Variants in SLC35D4 observed in about 807,000 individuals in gnomAD.
SLC35D4 encodes UDP-N-acetylglucosamine transporter SLC35D4.
At chr18:23,432,718 G>A in the SLC35D4 span, among the ~76,000 whole-genome samples, 1 of 151,488 alleles carries the variant, frequency 6.6e-6, no homozygotes, top group African/African-American at 2.4e-5. Flanking sequence ...GAGCAATTTG[G>A]GAGCCATTGA....
chr18:23,259,613 C>T, the SLC35D4 span: 1 of 152,158 alleles, frequency 6.6e-6, no homozygotes, highest in Admixed American at 6.5e-5. Context: ...GGCATTTTAT[C>T]AGGAGGTCTC....
chr18:23,266,520 T>TC, the SLC35D4 span, among the ~76,000 whole-genome samples: 1 of 152,104 alleles, frequency 6.6e-6, no homozygotes, highest in Non-Finnish European at 1.5e-5. Flanking sequence ...TCCGTTCTTG[T>TC]CCCCCACTGC....
At chr18:23,358,151 G>A in the SLC35D4 span, among the ~76,000 whole-genome samples, 2 of 152,184 alleles carry the variant, frequency 1.3e-5, no homozygotes, top group East Asian at 1.9e-4. Flanking sequence ...AATTCGTTCC[G>A]TCTCTTTGGC....
chr18:23,253,675 C>G, the SLC35D4 span: 1,580 of 1,456,960 alleles, frequency 1.1e-3, 23 homozygotes, highest in Admixed American at 0.027. Context: ...TTTTTCTGTC[C>G]ACTGAAACTC....
At chr18:23,261,394 GGGAGGCCGA>G in the SLC35D4 span, among the ~76,000 whole-genome samples, 117 of 152,230 alleles carry the variant, frequency 7.7e-4, no homozygotes, top group African/African-American at 2.5e-3. Context: ...CCAGCACTCT[GGGAGGCCGA>G]GGTGGGTGGA....
At chr18:23,286,070 C>T in the SLC35D4 span, among the ~76,000 whole-genome samples, 1 of 152,192 alleles carries the variant, frequency 6.6e-6, no homozygotes, top group Non-Finnish European at 1.5e-5. Flanking sequence ...AATCTGCTCT[C>T]AACATTAAAT....
the SLC35D4 span, among the ~76,000 whole-genome samples, chr18:23,381,986 T>C: frequency 6.6e-6 from 1 of 152,176 alleles, no homozygotes; most frequent in Non-Finnish European, 1.5e-5. Context: ...ATGCCTGTAA[T>C]CCCAGCACTT....
the SLC35D4 span, among the ~76,000 whole-genome samples, chr18:23,299,324 C>T: frequency 1.8e-4 from 28 of 152,244 alleles, no homozygotes; most frequent in African/African-American, 6.5e-4. Flanking sequence ...TATTATTTTC[C>T]AGCCGACTGC....
At chr18:23,384,908 C>G in the SLC35D4 span, 2 of 1,279,738 alleles carry the variant, frequency 1.6e-6, no homozygotes, top group African/African-American at 1.5e-5. Flanking sequence ...GAGGCAGACA[C>G]TAATTTGGGC....
the SLC35D4 span, among the ~76,000 whole-genome samples, chr18:23,254,887 A>AT: frequency 6.6e-6 from 1 of 152,184 alleles, no homozygotes; most frequent in Non-Finnish European, 1.5e-5. Flanking sequence ...GGACACAAAC[A>AT]TTCAGCCCAT....
the SLC35D4 span, among the ~76,000 whole-genome samples, chr18:23,262,972 A>C: frequency 2.0e-5 from 3 of 152,212 alleles, no homozygotes; most frequent in African/African-American, 4.8e-5. Context: ...ACGGTCTTCA[A>C]CAAGGGGCTG....
the SLC35D4 span, among the ~76,000 whole-genome samples, chr18:23,245,523 G>A: frequency 2.7e-5 from 4 of 149,282 alleles, no homozygotes; most frequent in African/African-American, 4.9e-5. Context: ...AAAAAAAAGC[G>A]AAATAGGTAT....
chr18:23,435,076 T>C, the SLC35D4 span, among the ~76,000 whole-genome samples: 1 of 151,504 alleles, frequency 6.6e-6, no homozygotes, highest in Non-Finnish European at 1.5e-5. Context: ...TAGAATCGCT[T>C]GAACCTGGGA....
At chr18:23,400,826 T>A in the SLC35D4 span, among the ~76,000 whole-genome samples, 1 of 152,318 alleles carries the variant, frequency 6.6e-6, no homozygotes, top group Admixed American at 6.5e-5. Context: ...AAGCACTCCA[T>A]CCAAGATCAG....
the SLC35D4 span, among the ~76,000 whole-genome samples, chr18:23,240,570 C>T: frequency 1.3e-5 from 2 of 152,242 alleles, no homozygotes; most frequent in Admixed American, 6.5e-5. Flanking sequence ...TCTGCCCAGA[C>T]AGAGGGCAGA....
chr18:23,239,256 A>T, the SLC35D4 span, among the ~76,000 whole-genome samples: 1 of 152,214 alleles, frequency 6.6e-6, no homozygotes, highest in Non-Finnish European at 1.5e-5. Flanking sequence ...CAAGTGGATC[A>T]TTTTTAATTT....
At chr18:23,388,101 T>C in the SLC35D4 span, among the ~76,000 whole-genome samples, 1 of 152,194 alleles carries the variant, frequency 6.6e-6, no homozygotes, top group African/African-American at 2.4e-5. Context: ...GTTTTTTGCC[T>C]CCTTGGCTAT....
the SLC35D4 span, among the ~76,000 whole-genome samples, chr18:23,401,609 G>A: frequency 1.8e-4 from 28 of 152,326 alleles, no homozygotes; most frequent in Non-Finnish European, 3.8e-4. Context: ...TTGTGCACCA[G>A]AAGGAAGCAC....
At chr18:23,254,511 A>G in the SLC35D4 span, among the ~76,000 whole-genome samples, 5 of 152,370 alleles carry the variant, frequency 3.3e-5, no homozygotes, top group African/African-American at 1.2e-4. Flanking sequence ...AGATCCATTG[A>G]GAAGATAGTT....
Sources: allele counts gnomAD v4.1 joint callset (sites outside exome capture counted in the v4.1 genomes callset), GRCh38; gene constraint gnomAD v4.1.1; transcripts MANE v1.5; gene names NCBI Gene and HGNC (gene_info 2026-07-23, HGNC 2026-07-21).